Variants in FAM3C observed in about 807,000 individuals in gnomAD.
FAM3C encodes FAM3 metabolism regulating signaling molecule C, also known as protein FAM3C.
A neutral mutation model predicts 32.5 loss-of-function variants in FAM3C; 15 were observed. The ratio of observed to expected loss-of-function variants is 0.46; its 90% confidence interval spans 0.31 to 0.71. The LOEUF is 0.71. FAM3C is among the 30% of genes least tolerant of loss of function. FAM3C has a pLI of 0.05. For missense variants in FAM3C, 175 were observed against 274.4 expected (o/e 0.64, Z 2.56); for synonymous variants, 75 against 86.1 (o/e 0.87, Z 0.72).
chr7:121,367,195 T>C (rs2254595), intron 5 of FAM3C, among the ~76,000 whole-genome samples: 83,198 of 152,004 alleles, frequency 0.55, 25,122 homozygotes, highest in African/African-American at 0.82. Context: ...CCTTCCCACA[T>C]CTCTAGGCAA....
At chr7:121,354,740 G>A (rs1008226820) in intron 8 of FAM3C, among the ~76,000 whole-genome samples, 2 of 152,134 alleles carry the variant, frequency 1.3e-5, no homozygotes, top group Non-Finnish European at 2.9e-5. Flanking sequence ...CATAAATGAC[G>A]ACCCAGCCTA....
chr7:121,371,433 A>T lies in FAM3C; in HGVS notation c.149-10T>A. On this transcript the variant is annotated splice_polypyrimidine_tract_variant and intron_variant, in intron 4 of 9. Transcript: ENST00000359943. ...CTGGGAGGCTTTGTAGCTTTGGGGGAGAAAACATGATGTCTTTTTTTAGAA... is the reference window on the plus strand; with the variant it reads ...CTGGGAGGCTTTGTAGCTTTGGGGGTGAAAACATGATGTCTTTTTTTAGAA... 6.2e-7 allele frequency: 1 copy of T among 1,612,510 alleles called. No individual in the cohort carries two copies. The highest frequency in any genetic ancestry group is 8.5e-7 in the Non-Finnish European group (1 of 1,178,936).
intron 8 of FAM3C, among the ~76,000 whole-genome samples, chr7:121,357,999 G>A (rs368787487): frequency 6.6e-6 from 1 of 151,184 alleles, no homozygotes; most frequent in African/African-American, 2.5e-5. Context: ...AATTTTACAC[G>A]TAATAGCCTA....
intron 7 of FAM3C, among the ~76,000 whole-genome samples, chr7:121,361,997 C>T (rs1483305876): frequency 1.3e-5 from 2 of 152,110 alleles, no homozygotes; most frequent in Non-Finnish European, 2.9e-5. Context: ...TTATTACAAG[C>T]TGAAGATATG....
At chr7:121,372,568 TG>T (rs1562888680) in intron 3 of FAM3C, among the ~76,000 whole-genome samples, 1 of 152,064 alleles carries the variant, frequency 6.6e-6, no homozygotes, top group Non-Finnish European at 1.5e-5. Context: ...TCTATCTTAG[TG>T]GTGAGGTTAG....
chr7:121,351,398 AT>A lies in FAM3C; in HGVS notation c.468-130del, dbSNP rs201667344. 4.1e-5 allele frequency: 35 copies of A among 847,778 alleles called. No homozygotes were observed. The East Asian group carries it at 4.3e-4, about 10-fold the overall frequency. 52.5% of individuals were successfully genotyped at this position (847,778 alleles called of 1,614,324 possible). On this transcript the variant is annotated intron_variant, in intron 8 of 9. Coordinates refer to ENST00000359943, the MANE Select transcript of FAM3C (RefSeq NM_014888.3). The stretch of plus-strand genomic sequence containing the variant: ...AAATAACAGAACATTTTGGAAAATA[AT>A]TTTTTTTCAGAGTTACATTTCTACT...
chr7:121,386,626 T>C (rs1334000233), intron 1 of FAM3C, among the ~76,000 whole-genome samples: 1 of 151,574 alleles, frequency 6.6e-6, no homozygotes, highest in Admixed American at 6.6e-5. Flanking sequence ...TATCTCCACA[T>C]GTATTATAAG....
chr7:121,362,563 C>CT (rs1006460967), intron 7 of FAM3C: 1,552 of 208,464 alleles, frequency 7.4e-3, no homozygotes, highest in Middle Eastern at 0.02. Context: ...CTTCAAATTA[C>CT]TTTTTTTTTT....
At chr7:121,382,309 T>C (rs1794373311) in intron 2 of FAM3C, among the ~76,000 whole-genome samples, 1 of 152,168 alleles carries the variant, frequency 6.6e-6, no homozygotes, top group Non-Finnish European at 1.5e-5. Flanking sequence ...AATAAACAGA[T>C]TAAAGTTCTT....
intron 5 of FAM3C, among the ~76,000 whole-genome samples, chr7:121,370,612 G>T (rs1374775522): frequency 6.6e-6 from 1 of 152,132 alleles, no homozygotes; most frequent in African/African-American, 2.4e-5. Context: ...TGACACTGAG[G>T]TAGGATATCA....
chr7:121,372,063 C>A (rs746102297), intron 4 of FAM3C, 47 bp downstream of exon 4: 1 of 1,454,688 alleles, frequency 6.9e-7, no homozygotes, highest in South Asian at 1.2e-5. Flanking sequence ...TCTCATATGC[C>A]TAAGGCAGAA....
At chr7:121,373,491 C>A (rs1794185912) in intron 3 of FAM3C, among the ~76,000 whole-genome samples, 1 of 152,046 alleles carries the variant, frequency 6.6e-6, no homozygotes, top group African/African-American at 2.4e-5. Flanking sequence ...ATTTTCCCCT[C>A]AAACTACACT....
At chr7:121,375,797 C>A (rs1765888263) in intron 3 of FAM3C, among the ~76,000 whole-genome samples, 1 of 152,134 alleles carries the variant, frequency 6.6e-6, no homozygotes, top group African/African-American at 2.4e-5. Flanking sequence ...TCCAATGGTC[C>A]CACTGCCTCC....
chr7:121,386,922 A>G (rs886115108), intron 1 of FAM3C, among the ~76,000 whole-genome samples: 3 of 151,906 alleles, frequency 2.0e-5, no homozygotes, highest in African/African-American at 4.8e-5. Flanking sequence ...GTATTTTTTA[A>G]AAAATACTGT....
chr7:121,388,565 TATA>T (rs1219880877), intron 1 of FAM3C, among the ~76,000 whole-genome samples: 1 of 152,068 alleles, frequency 6.6e-6, no homozygotes, highest in African/African-American at 2.4e-5. Context: ...ACCAAAAACT[TATA>T]AACAATGGGT....
chr7:121,388,755 A>C (rs1241156655), intron 1 of FAM3C, among the ~76,000 whole-genome samples: 1 of 152,146 alleles, frequency 6.6e-6, no homozygotes, highest in Non-Finnish European at 1.5e-5. Context: ...GAGAACATCT[A>C]AATGTGGCTA....
intron 1 of FAM3C, among the ~76,000 whole-genome samples, chr7:121,395,456 T>C (rs1458893069): frequency 1.3e-5 from 2 of 149,134 alleles, no homozygotes; most frequent in African/African-American, 5.1e-5. Context: ...GGCAATAATA[T>C]TTTTTCTTAA....
At chr7:121,364,622 T>TG (rs1359848390) in intron 5 of FAM3C, 2 of 153,698 alleles carry the variant, frequency 1.3e-5, no homozygotes, top group Non-Finnish European at 2.9e-5. Context: ...GCAAACAGAG[T>TG]GGGGGAGCAC....
intron 6 of FAM3C, 96 bp downstream of exon 6, chr7:121,364,034 C>T: frequency 1.2e-6 from 1 of 802,528 alleles, no homozygotes; most frequent in African/African-American, 1.7e-5. Context: ...TCATCAAGAG[C>T]AGTACTTTCT....
Sources: gnomAD v4.1 joint callset for allele counts (sites outside exome capture counted in the v4.1 genomes callset) on GRCh38, gnomAD v4.1.1 for gene constraint, MANE v1.5 for transcripts, NCBI Gene and HGNC (gene_info 2026-07-23, HGNC 2026-07-21) for gene names.